PAPPA2: variants seen among roughly 807,000 people sequenced by gnomAD.
PAPPA2 encodes the protein pappalysin-2.
Under a neutral mutation model 176.4 loss-of-function variants are expected in PAPPA2, and 86 were observed. The ratio of observed to expected loss-of-function variants is 0.49; its 90% CI spans 0.41 to 0.58. The LOEUF (loss-of-function observed/expected upper bound fraction) is 0.58, where lower values mean the gene tolerates loss of function less well. Among genes scored for constraint, PAPPA2 ranks in the 20% least tolerant of loss-of-function variants. The pLI is 0.00. For missense variants in PAPPA2, 2,073 were observed against 2,256.9 expected, an observed-to-expected ratio of 0.92 and a Z score of 1.65; for synonymous variants, 809 against 852.2, an observed-to-expected ratio of 0.95 and a Z score of 0.88.
chr1:176,557,970 A>G (rs1035103794), intron 2 of PAPPA2, among the ~76,000 whole-genome samples: 1 of 152,208 alleles, frequency 6.6e-6, no homozygotes. Context: ...CTGGTCTGGG[A>G]ACATGACCCA....
chr1:176,528,515 A>G (rs1648886198), intron 1 of PAPPA2, among the ~76,000 whole-genome samples: 1 of 152,180 alleles, frequency 6.6e-6, no homozygotes, highest in Admixed American at 6.5e-5. Flanking sequence ...GTCTGGCCCA[A>G]ATGTTGGTTT....
At chr1:176,714,214 C>A (rs559659528) in intron 12 of PAPPA2, among the ~76,000 whole-genome samples, 8 of 152,158 alleles carry the variant, frequency 5.3e-5, no homozygotes, top group African/African-American at 1.9e-4. Context: ...AAAGGGAATC[C>A]CCTCCAAATG....
chr1:176,648,354 T>C (rs1369731319), intron 3 of PAPPA2, among the ~76,000 whole-genome samples: 3 of 151,518 alleles, frequency 2.0e-5, no homozygotes, highest in Admixed American at 1.3e-4. Context: ...TTGGTTCTGC[T>C]AAGTATGTGG....
In PAPPA2 at chr1:176,595,351, C is replaced by T. The variant is rs1653913995; in HGVS notation, c.1747C>T (p.Leu583Phe). The T allele has an allele frequency of 4.3e-6, 7 of 1,614,180 alleles. No individual in the cohort carries two copies. The highest frequency in any genetic ancestry group is 5.9e-6 in the Non-Finnish European group (7 of 1,180,030). Residue 583 changes from leucine to phenylalanine, a missense_variant, in exon 3 of 23, where the codon CTT becomes TTT. Leu to Phe is a conservative substitution (Grantham distance 22). Around this residue, in one of 4 missense-constraint regions of PAPPA2, gnomAD observed 1,196 missense variants for 1,330.4 expected, o/e 0.90. Coordinates refer to ENST00000367662, the MANE Select transcript of PAPPA2 (RefSeq NM_020318.3). Reference sequence around the variant, plus strand: ...TTCCACCCTGCGACACCGGGTTGTGCTTGTGAACTGTGAGCCCAGCAAGAT... The same window carrying T: ...TTCCACCCTGCGACACCGGGTTGTGTTTGTGAACTGTGAGCCCAGCAAGAT... Reference protein sequence around the residue: ...HNSTLRHRVVLVNCEPSKIGN... With the variant: ...HNSTLRHRVVFVNCEPSKIGN...
chr1:176,691,355 A>G (rs560011577), intron 5 of PAPPA2: 9 of 202,740 alleles, frequency 4.4e-5, no homozygotes, highest in East Asian at 1.9e-4. Context: ...TCTGTCTGTC[A>G]TCTTTCAAGA....
At chr1:176,731,011 A>G (rs1320257307) in intron 12 of PAPPA2, among the ~76,000 whole-genome samples, 1 of 152,024 alleles carries the variant, frequency 6.6e-6, no homozygotes, top group Non-Finnish European at 1.5e-5. Context: ...TTATTTATTC[A>G]GGAATTAAGG....
intron 1 of PAPPA2, among the ~76,000 whole-genome samples, chr1:176,465,124 A>G (rs1212885588): frequency 2.6e-5 from 4 of 152,220 alleles, no homozygotes; most frequent in African/African-American, 9.6e-5. Flanking sequence ...TGGATGTGCC[A>G]TGATATATTT....
At position 176,800,103 on chromosome 1, in the gene PAPPA2, G is replaced by C. The variant is rs575120882; in HGVS notation, c.5173G>C (p.Val1725Leu). 1.2e-6 allele frequency: 2 copies of C among 1,613,974 alleles called. No homozygotes were observed. The highest frequency in any genetic ancestry group is 3.3e-5 in the Admixed American group (2 of 60,004). ...TGRRQWHPDP[V>L]LVHCIQSCEP... ...CCGGCGTCAATGGCACCCAGACCCC[G>C]TCTTAGTCCACTGCATCCAGTCATG... The change falls in exon 21 of 23, where the codon GTC (valine) becomes CTC (leucine). Residue 1725 changes from valine to leucine, a missense_variant. By Grantham distance (32) the Val-to-Leu change is conservative. This residue lies in a region of PAPPA2 where 846 missense variants were observed against 857.9 expected (regional missense o/e 0.99). Transcript: ENST00000367662.
chr1:176,667,203 G>A (rs1022842149), intron 3 of PAPPA2, among the ~76,000 whole-genome samples: 4 of 151,162 alleles, frequency 2.6e-5, no homozygotes, highest in South Asian at 2.1e-4. Flanking sequence ...CTGAGATCAC[G>A]CCACTGAACT....
At chr1:176,719,392 T>G (rs1159778263) in intron 12 of PAPPA2, among the ~76,000 whole-genome samples, 1 of 152,156 alleles carries the variant, frequency 6.6e-6, no homozygotes, top group Admixed American at 6.5e-5. Flanking sequence ...ACTTTAAACA[T>G]TGTTTGCCTT....
At chr1:176,738,151 GC>G (rs1662505418) in intron 12 of PAPPA2, among the ~76,000 whole-genome samples, 1 of 152,080 alleles carries the variant, frequency 6.6e-6, no homozygotes, top group Admixed American at 6.6e-5. Flanking sequence ...TTCATGTCTA[GC>G]CCTCATCCAG....
chr1:176,808,049 A>G (rs1665983509), intron 21 of PAPPA2, among the ~76,000 whole-genome samples: 1 of 152,092 alleles, frequency 6.6e-6, no homozygotes, highest in South Asian at 2.1e-4. Flanking sequence ...TGCTCTGTTG[A>G]TTGGGAAGAC....
chr1:176,496,672 TGTG>T (rs1423456083), intron 1 of PAPPA2, among the ~76,000 whole-genome samples: 1 of 152,192 alleles, frequency 6.6e-6, no homozygotes, highest in Non-Finnish European at 1.5e-5. Context: ...TGTCCCTTGT[TGTG>T]GTGGACAAAT....
intron 1 of PAPPA2, among the ~76,000 whole-genome samples, chr1:176,479,565 A>G (rs115888711): frequency 2.5e-4 from 38 of 152,266 alleles, no homozygotes; most frequent in African/African-American, 8.9e-4. Context: ...GCAAGAGGCT[A>G]TGTGTACCCT....
chr1:176,789,215 T>A (rs1571329609), intron 17 of PAPPA2, among the ~76,000 whole-genome samples: 1 of 152,308 alleles, frequency 6.6e-6, no homozygotes, highest in African/African-American at 2.4e-5. Context: ...TGGAATACTA[T>A]GCAGCCATAA....
intron 8 of PAPPA2, among the ~76,000 whole-genome samples, chr1:176,701,167 G>A (rs1369645050): frequency 2.0e-5 from 3 of 151,942 alleles, no homozygotes; most frequent in South Asian, 2.1e-4. Context: ...TAGCAAAATC[G>A]GAATTAAAAT....
intron 12 of PAPPA2, among the ~76,000 whole-genome samples, chr1:176,718,542 C>T (rs898425225): frequency 2.6e-5 from 4 of 151,914 alleles, no homozygotes; most frequent in Non-Finnish European, 4.4e-5. Context: ...TCCTTTTAAA[C>T]ATGACTTTAG....
intron 1 of PAPPA2, among the ~76,000 whole-genome samples, chr1:176,515,999 G>A (rs1558412117): frequency 6.6e-6 from 1 of 152,206 alleles, no homozygotes; most frequent in Non-Finnish European, 1.5e-5. Flanking sequence ...AAGTGGTGGA[G>A]TAAACTTGGC....
Position 176,695,959 on chromosome 1 carries a change from T to C in PAPPA2, c.2746+100T>C. 5.1e-6 allele frequency: 7 copies of C among 1,375,140 alleles called. No individual in the cohort carries two copies. The South Asian group carries it at 9.1e-5, about 18-fold the overall frequency. 85.2% of individuals were successfully genotyped at this position (1,375,140 alleles called of 1,614,324 possible). A position where few individuals can be genotyped will look rare whatever the true frequency, so the allele number is the denominator to read the frequency against. On this transcript the variant is annotated intron_variant, in intron 7 of 22. Coordinates refer to ENST00000367662, the MANE Select transcript of PAPPA2 (RefSeq NM_020318.3). ...GTGACATGGTGACAAAAAGGCAATG[T>C]ATGTGTATGTGTGTGTGTGTGTGTG...
Sources: gnomAD v4.1 joint callset for allele counts (sites outside exome capture counted in the v4.1 genomes callset) on GRCh38, gnomAD v4.1.1 for gene constraint, gnomAD v4.1.1 regional missense constraint, MANE v1.5 for transcripts, NCBI Gene and HGNC (gene_info 2026-07-23, HGNC 2026-07-21) for gene names.